The following FREM3 variants were observed in gnomAD, a reference collection of about 807,000 sequenced individuals.
FREM3 encodes the protein FRAS1 related extracellular matrix 3.
A neutral mutation model predicts 129.1 loss-of-function variants in FREM3; 105 were observed. The observed-to-expected ratio is 0.81, with a 90% CI of 0.69 to 0.96. The LOEUF (loss-of-function observed/expected upper bound fraction) is 0.96. FREM3 is among the 40% of genes least tolerant of loss of function. The probability of loss-of-function intolerance (pLI) is 0.00; values close to 1 mark genes in which losing one functional copy is unlikely to be tolerated. For synonymous variants in FREM3, 1,014 were observed against 1,044.9 expected (o/e 0.97, Z 0.57); for missense variants, 2,593 against 2,666.3 (o/e 0.97, Z 0.61).
In FREM3 at chr4:143,585,500, C is replaced by T. The variant is rs1352232318; in HGVS notation, c.6178+344G>A. ...GGTCTAATATGTGACGAGATTCTTCCACGAGTTGGGACTTGCTTGGCCATT... is the reference window on the plus strand; with the variant it reads ...GGTCTAATATGTGACGAGATTCTTCTACGAGTTGGGACTTGCTTGGCCATT... On this transcript the variant is annotated intron_variant, in intron 7 of 7. Transcript: ENST00000329798. The surrounding 1 kb of genome is among the most constrained non-coding windows in gnomAD (Gnocchi z 4.2). Among the ~76,000 whole-genome samples, 1 of 152,168 alleles carries T rather than the reference C, an allele frequency of 6.6e-6. No individual in the cohort carries two copies. Among genetic ancestry groups the T allele is most frequent in the Non-Finnish European group, 1.5e-5 (1 of 68,032 alleles).
intron 2 of FREM3, among the ~76,000 whole-genome samples, chr4:143,628,856 A>C (rs1739091589): frequency 6.6e-6 from 1 of 152,092 alleles, no homozygotes; most frequent in Non-Finnish European, 1.5e-5. Flanking sequence ...ACTCATTTCC[A>C]AAAAAGATTG....
chr4:143,695,763 G>A lies in FREM3; in HGVS notation c.4913C>T (p.Thr1638Ile). The change falls in exon 1 of 8, where the codon ACT (threonine) becomes ATT (isoleucine). Residue 1638 changes from threonine to isoleucine, a missense_variant. Around this residue, in one of 2 missense-constraint regions of FREM3, gnomAD observed 2,276 missense variants for 2,267.2 expected, o/e 1.00. Coordinates refer to ENST00000329798, the MANE Select transcript of FREM3 (RefSeq NM_001168235.2). ...TTGAGGTTTGTGTGTCGCCAGGGCAGTGTCTGGTAGGACATAGAAATCAGT... is the reference window on the plus strand; with the variant it reads ...TTGAGGTTTGTGTGTCGCCAGGGCAATGTCTGGTAGGACATAGAAATCAGT... Reference protein sequence around the residue: ...THTDFYVLPDTALATHKPQVM... With the variant: ...THTDFYVLPDIALATHKPQVM... 1 of 1,537,290 alleles carries A rather than the reference G, an allele frequency of 6.5e-7. No homozygotes were observed. Among genetic ancestry groups the A allele is most frequent in the East Asian group, 2.4e-5 (1 of 40,916 alleles).
chr4:143,676,966 C>T (rs1740146065), intron 2 of FREM3, among the ~76,000 whole-genome samples: 1 of 152,156 alleles, frequency 6.6e-6, no homozygotes, highest in South Asian at 2.1e-4. Flanking sequence ...GGCCATACTA[C>T]CCAAGGTAAT....
intron 6 of FREM3, among the ~76,000 whole-genome samples, chr4:143,590,406 C>T (rs1259709159): frequency 4.6e-5 from 7 of 152,218 alleles, no homozygotes; most frequent in Non-Finnish European, 5.9e-5. Flanking sequence ...TTTTGTGATA[C>T]GTCCCATCAA....
chr4:143,643,406 T>C (rs1019256020), intron 2 of FREM3, among the ~76,000 whole-genome samples: 8 of 53,148 alleles, frequency 1.5e-4, no homozygotes, highest in Admixed American at 5.1e-4. Flanking sequence ...GAAAATGTGG[T>C]ATAGAAACAC....
chr4:143,618,431 A>G (rs933286123), intron 5 of FREM3, among the ~76,000 whole-genome samples: 1 of 152,082 alleles, frequency 6.6e-6, no homozygotes, highest in Non-Finnish European at 1.5e-5. Context: ...AAAATAGGAT[A>G]CAACAGGGTC....
intron 2 of FREM3, among the ~76,000 whole-genome samples, chr4:143,665,373 C>G (rs978777990): frequency 4.6e-5 from 7 of 152,056 alleles, no homozygotes; most frequent in African/African-American, 1.7e-4. Flanking sequence ...AACTTATCCC[C>G]CATTAGACTG....
chr4:143,686,419 A>G (rs967346002), intron 2 of FREM3, among the ~76,000 whole-genome samples: 10 of 152,196 alleles, frequency 6.6e-5, no homozygotes, highest in African/African-American at 2.4e-4. Flanking sequence ...ACAGGTAATG[A>G]AGACAGAAAG....
At chr4:143,591,429 G>T (rs1738359944) in intron 6 of FREM3, among the ~76,000 whole-genome samples, 1 of 152,186 alleles carries the variant, frequency 6.6e-6, no homozygotes. Context: ...CAGAGATTCT[G>T]CTATGTTGTG....
intron 6 of FREM3, among the ~76,000 whole-genome samples, chr4:143,609,404 T>C (rs893706601): frequency 2.0e-5 from 3 of 152,204 alleles, no homozygotes; most frequent in Non-Finnish European, 4.4e-5. Flanking sequence ...TTCATATTAA[T>C]TCTTCATTAT....
intron 2 of FREM3, among the ~76,000 whole-genome samples, chr4:143,631,329 G>GTATTTATT (rs112309816): frequency 9.9e-5 from 15 of 151,478 alleles, no homozygotes; most frequent in South Asian, 8.3e-4. Flanking sequence ...TTATAATGCT[G>GTATTTATT]TATTTATTTA....
intron 5 of FREM3, among the ~76,000 whole-genome samples, chr4:143,612,657 C>T (rs1738782274): frequency 1.3e-5 from 2 of 151,978 alleles, no homozygotes; most frequent in Non-Finnish European, 2.9e-5. Flanking sequence ...AGAATAAATA[C>T]TTAAGAGTAG....
chr4:143,624,100 T>A lies in FREM3; in HGVS notation c.5653+8A>T. 6.9e-7 allele frequency: 1 copy of A among 1,459,460 alleles called. No homozygotes were observed. The highest frequency in any genetic ancestry group is 9.3e-7 in the Non-Finnish European group (1 of 1,075,994). 90.4% of individuals were successfully genotyped at this position (1,459,460 alleles called of 1,614,324 possible). On this transcript the variant is annotated splice_region_variant and intron_variant, in intron 4 of 7. Transcript: ENST00000329798. Reference sequence around the variant, plus strand: ...GGTTAATAAAGCAAATCAATCAGTGTCACATACCATCTCCAGGGTCTACAA... The same window carrying A: ...GGTTAATAAAGCAAATCAATCAGTGACACATACCATCTCCAGGGTCTACAA...
chr4:143,593,329 G>A (rs1261911154), intron 6 of FREM3, among the ~76,000 whole-genome samples: 5 of 152,030 alleles, frequency 3.3e-5, no homozygotes, highest in Non-Finnish European at 4.4e-5. Context: ...TAGAGTTTCT[G>A]GTTTTTCTGC....
chr4:143,577,338 TG>T lies in FREM3; in HGVS notation c.*272del. Reference sequence around the variant, plus strand: ...TAACTTTTGATTTAATTGATCACAGTGGATTTCTTACTTGCCTCAGAAACAA... The same window carrying T: ...TAACTTTTGATTTAATTGATCACAGTGATTTCTTACTTGCCTCAGAAACAA... On this transcript the variant is annotated 3_prime_UTR_variant, in exon 8 of 8. Coordinates refer to ENST00000329798, the MANE Select transcript of FREM3 (RefSeq NM_001168235.2). 4.1e-6 allele frequency: 2 copies of T among 482,936 alleles called. No individual in the cohort carries two copies. The allele number at this position is 482,936 out of a possible 1,614,324, so 29.9% of individuals were successfully genotyped here.
At chr4:143,643,618 A>G (rs1739361969) in intron 2 of FREM3, among the ~76,000 whole-genome samples, 1 of 151,964 alleles carries the variant, frequency 6.6e-6, no homozygotes, top group Non-Finnish European at 1.5e-5. Context: ...AGTTGGTGTC[A>G]TAGAAACAGA....
At chr4:143,612,934 T>C (rs1026048938) in intron 5 of FREM3, among the ~76,000 whole-genome samples, 3 of 152,210 alleles carry the variant, frequency 2.0e-5, no homozygotes, top group African/African-American at 7.2e-5. Flanking sequence ...TGTAAGAGTC[T>C]TTCTTGCTTA....
intron 3 of FREM3, among the ~76,000 whole-genome samples, chr4:143,626,528 C>T (rs1739040118): frequency 6.6e-6 from 1 of 152,034 alleles, no homozygotes; most frequent in Non-Finnish European, 1.5e-5. Flanking sequence ...ACATTTTAAC[C>T]CAAACTCACA....
intron 2 of FREM3, among the ~76,000 whole-genome samples, chr4:143,645,970 G>C (rs190600519): frequency 2.3e-4 from 35 of 152,262 alleles, no homozygotes; most frequent in Middle Eastern, 3.4e-3. Context: ...AATTCAGTAA[G>C]GAGCATTTTG....
Sources: gnomAD v4.1 joint callset for allele counts (sites outside exome capture counted in the v4.1 genomes callset) on GRCh38, gnomAD v4.1.1 for gene constraint, gnomAD v4.1.1 regional missense constraint, Gnocchi (gnomAD v3.1) non-coding constraint, MANE v1.5 for transcripts, NCBI Gene and HGNC (gene_info 2026-07-23, HGNC 2026-07-21) for gene names.